Variants in LIMS2 observed in about 807,000 individuals in gnomAD.
The protein encoded by LIMS2 is LIM and senescent cell antigen-like-containing domain protein 2.
A neutral mutation model predicts 45.3 loss-of-function variants in LIMS2; 30 were observed. The observed-to-expected ratio is 0.66, with a 90% CI of 0.50 to 0.90. The LOEUF is 0.90. Among genes scored for constraint, LIMS2 ranks in the 40% least tolerant of loss-of-function variants. The pLI, the probability that LIMS2 is intolerant of heterozygous loss-of-function variation, is 0.00. For synonymous variants in LIMS2, 173 were observed against 188.0 expected (o/e 0.92, Z 0.65); for missense variants, 485 against 468.7 (o/e 1.03, Z -0.32).
At chr2:127,650,432 C>T in intron 4 of LIMS2, 1 of 546,310 alleles carries the variant, frequency 1.8e-6, no homozygotes, top group East Asian at 3.1e-5. Flanking sequence ...CCCGGTCCTC[C>T]CAGCTCTGAG....
chr2:127,661,116 C>T (rs980097523), intron 1 of LIMS2, among the ~76,000 whole-genome samples: 8 of 152,230 alleles, frequency 5.3e-5, no homozygotes, highest in Non-Finnish European at 1.0e-4. Flanking sequence ...TTCCTGACTC[C>T]TGCAGGGGAG....
At position 127,654,482 on chromosome 2, in the gene LIMS2, G is replaced by T; in HGVS notation, c.301C>A (p.Arg101Ser). ...AGCTCCACATCACACAGCTCGCAGC[G>T]GAAGCAGCCCGGGTGCCAGTTGTTG... ...MNNNWHPGCF[R>S]CELCDVELAD... Residue 101 changes from arginine (R) to serine (S), a missense_variant, in exon 4 of 10, where the codon CGC becomes AGC. Transcript: ENST00000355119. The T allele has an allele frequency of 6.2e-7, 1 of 1,614,144 alleles. No homozygotes were observed. The highest frequency in any genetic ancestry group is 2.2e-5 in the East Asian group (1 of 44,878).
chr2:127,640,018 C>G lies in LIMS2; in HGVS notation c.878+52G>C, dbSNP rs991919825. On this transcript the variant is annotated intron_variant, in intron 9 of 9. Coordinates refer to ENST00000355119, the MANE Select transcript of LIMS2 (RefSeq NM_001161403.3). ...CAGGAGGGCTGCTGAGAGGAAGGAC[C>G]TGCAGGAGCCCCCTCCACCCTGAGC... The G allele has an allele frequency of 4.1e-5, 65 of 1,574,344 alleles. No individual in the cohort carries two copies. The Middle Eastern group carries it at 5.0e-4, about 12-fold the overall frequency.
rs1683177481 is a variant in LIMS2, at chr2:127,647,906, CT to C, written c.360-4835del. ...ACCGGTACCTGCTCCCTGTTCTCCC[CT>C]GCCTCACAGGCCCTGTCAAGGGCTG... On this transcript the variant is annotated intron_variant, in intron 4 of 9. Transcript: ENST00000355119. This position sits in a 1 kb window ranked among gnomAD's most constrained non-coding sequence, Gnocchi z 4.3. 1.7e-6 allele frequency: 1 copy of C among 578,944 alleles called. No individual in the cohort carries two copies. The highest frequency in any genetic ancestry group is 2.2e-6 in the Non-Finnish European group (1 of 458,078). 35.9% of individuals were successfully genotyped at this position (578,944 alleles called of 1,614,324 possible). A position where few individuals can be genotyped will look rare whatever the true frequency, so the allele number is the denominator to read the frequency against.
upstream of LIMS2, among the ~76,000 whole-genome samples, chr2:127,676,791 T>C (rs899490157): frequency 2.0e-5 from 3 of 152,192 alleles, no homozygotes; most frequent in Middle Eastern, 3.2e-3. Flanking sequence ...CTTTCCACCA[T>C]TACTGACACA....
At chr2:127,678,600 C>G (rs556435717), upstream of LIMS2, among the ~76,000 whole-genome samples, 8 of 152,274 alleles carry the variant, frequency 5.3e-5, no homozygotes, top group African/African-American at 1.9e-4. The surrounding 1 kb of genome is among the most constrained non-coding windows in gnomAD (Gnocchi z 5.3). Context: ...ATTTTGCAAC[C>G]AACAGGATTT....
In LIMS2 at chr2:127,664,295, T is replaced by G. The variant is rs1684870639; in HGVS notation, c.12-6733A>C. On this transcript the variant is annotated intron_variant, in intron 1 of 9. Coordinates refer to ENST00000355119, the MANE Select transcript of LIMS2 (RefSeq NM_001161403.3). The surrounding 1 kb of genome is among the most constrained non-coding windows in gnomAD (Gnocchi z 5.5). ...TTGTCCCCGCCACCCGCCCCGCCCC[T>G]GGCCACCTACCCCGTGGCTGGCGGC... The G allele has an allele frequency of 8.1e-7, 1 of 1,234,960 alleles. No individual in the cohort carries two copies. The highest frequency in any genetic ancestry group is 1.6e-5 in the African/African-American group (1 of 63,808). 76.5% of individuals were successfully genotyped at this position (1,234,960 alleles called of 1,614,324 possible).
intron 1 of LIMS2, among the ~76,000 whole-genome samples, chr2:127,673,162 G>C (rs1390381547): frequency 6.6e-6 from 1 of 152,204 alleles, no homozygotes; most frequent in African/African-American, 2.4e-5. Flanking sequence ...TTGAAGGAGC[G>C]GGTGCATTAC....
intron 4 of LIMS2, chr2:127,650,062 G>A: frequency 1.9e-6 from 3 of 1,607,000 alleles, no homozygotes; most frequent in Non-Finnish European, 2.6e-6. Flanking sequence ...CAAGAGAGAT[G>A]CTGAAACTCT....
chr2:127,679,209 C>A (rs947697367), upstream of LIMS2, among the ~76,000 whole-genome samples: 6 of 152,088 alleles, frequency 3.9e-5, no homozygotes, highest in Admixed American at 6.5e-5. This position sits in a 1 kb window ranked among gnomAD's most constrained non-coding sequence, Gnocchi z 5.3. Flanking sequence ...GCAATGCCTC[C>A]CCCAGGAGCA....
chr2:127,665,679 T>G (rs1036787825), intron 1 of LIMS2, among the ~76,000 whole-genome samples: 1 of 152,138 alleles, frequency 6.6e-6, no homozygotes. Flanking sequence ...TTAAGAAAAC[T>G]TACACCGAAA....
intron 1 of LIMS2, among the ~76,000 whole-genome samples, chr2:127,658,918 C>A (rs1294966737): frequency 2.6e-5 from 4 of 152,218 alleles, no homozygotes; most frequent in Admixed American, 2.6e-4. Context: ...ACCCAGCAGT[C>A]ACTGCCGCGA....
Position 127,647,446 on chromosome 2 carries a change from TA to T in LIMS2, c.360-4375del, listed in dbSNP as rs1444898323. Among the ~76,000 whole-genome samples the T allele has an allele frequency of 1.3e-5, 2 of 152,146 alleles. No homozygotes were observed. Among genetic ancestry groups the T allele is most frequent in the Non-Finnish European group, 2.9e-5 (2 of 68,026 alleles). On this transcript the variant is annotated intron_variant, in intron 4 of 9. Coordinates refer to ENST00000355119, the MANE Select transcript of LIMS2 (RefSeq NM_001161403.3). This position sits in a 1 kb window ranked among gnomAD's most constrained non-coding sequence, Gnocchi z 4.3. ...GACTCCCTAACCTGCAACATGGGGC[TA>T]AAACTGGTTTGAGCCAGCACAGGCA...
At chr2:127,661,003 C>T (rs1379218780) in intron 1 of LIMS2, among the ~76,000 whole-genome samples, 2 of 151,978 alleles carry the variant, frequency 1.3e-5, no homozygotes, top group African/African-American at 4.8e-5. Flanking sequence ...ACAGAGAGCC[C>T]CTAACAGCAG....
intron 4 of LIMS2, among the ~76,000 whole-genome samples, chr2:127,648,881 T>C (rs1246925131): frequency 6.8e-6 from 1 of 147,550 alleles, no homozygotes; most frequent in Non-Finnish European, 1.5e-5. Flanking sequence ...ATTGCACCAC[T>C]GCACTCCAGC....
Position 127,647,630 on chromosome 2 carries a change from A to G in LIMS2, c.360-4558T>C, listed in dbSNP as rs1253069197. On this transcript the variant is annotated intron_variant, in intron 4 of 9. Transcript: ENST00000355119. The surrounding 1 kb of genome is among the most constrained non-coding windows in gnomAD (Gnocchi z 4.3). ...CCCCTTCCCACCCCCAGGTTCTAAC[A>G]AGGGCCCCTCACTCACTGGGCCCCC... 6.6e-6 allele frequency among the ~76,000 whole-genome samples: 1 copy of G among 151,744 alleles called. No individual in the cohort carries two copies. The highest frequency in any genetic ancestry group is 1.5e-5 in the Non-Finnish European group (1 of 67,894).
At chr2:127,669,664 G>C (rs964660179) in intron 1 of LIMS2, among the ~76,000 whole-genome samples, 4 of 152,006 alleles carry the variant, frequency 2.6e-5, no homozygotes, top group Admixed American at 6.6e-5. Flanking sequence ...GTTGCAGTGA[G>C]CTGAGATTGC....
At chr2:127,679,720 C>T (rs576262191), upstream of LIMS2, among the ~76,000 whole-genome samples, 2 of 152,194 alleles carry the variant, frequency 1.3e-5, no homozygotes, top group East Asian at 1.9e-4. This position sits in a 1 kb window ranked among gnomAD's most constrained non-coding sequence, Gnocchi z 5.3. Flanking sequence ...GCTTGGTCAG[C>T]GTGGCTAATC....
intron 4 of LIMS2, among the ~76,000 whole-genome samples, chr2:127,645,104 A>G (rs1288223373): frequency 6.6e-6 from 1 of 152,236 alleles, no homozygotes; most frequent in African/African-American, 2.4e-5. Context: ...TAAGTTCTGG[A>G]GTGACATGTG....
Sources: gnomAD v4.1 joint callset for allele counts (sites outside exome capture counted in the v4.1 genomes callset) on GRCh38, gnomAD v4.1.1 for gene constraint, Gnocchi (gnomAD v3.1) non-coding constraint, MANE v1.5 for transcripts, NCBI Gene and HGNC (gene_info 2026-07-23, HGNC 2026-07-21) for gene names.